TBC1D32: variants seen among roughly 807,000 people sequenced by gnomAD.
TBC1D32 encodes TBC1 domain family member 32.
In TBC1D32, 151 loss-of-function variants were observed where a neutral mutation model predicts 170.3. The observed-to-expected ratio is 0.89, with a 90% CI of 0.78 to 1.01. TBC1D32 has a LOEUF of 1.01. Among genes scored for constraint, TBC1D32 ranks in the 50% least tolerant of loss-of-function variants. TBC1D32 has a pLI of 0.00. For missense variants in TBC1D32, 1,464 were observed against 1,457.1 expected (o/e 1.00, Z -0.08); for synonymous variants, 498 against 488.0 (o/e 1.02, Z -0.27).
chr6:121,271,302 A>G (rs1388105965), intron 15 of TBC1D32, among the ~76,000 whole-genome samples: 1 of 152,192 alleles, frequency 6.6e-6, no homozygotes. Context: ...GTATTCAATT[A>G]GGAAAAGAGG....
chr6:121,303,802 T>C (rs1383811944), intron 8 of TBC1D32, 41 bp from the exon 9 acceptor site: 3 of 1,353,464 alleles, frequency 2.2e-6, no homozygotes, highest in African/African-American at 2.9e-5. Flanking sequence ...ACACATATAG[T>C]TCTGGTGGTA....
intron 22 of TBC1D32, among the ~76,000 whole-genome samples, chr6:121,177,214 G>C (rs541586518): frequency 6.6e-6 from 1 of 152,248 alleles, no homozygotes; most frequent in East Asian, 1.9e-4. Flanking sequence ...AAGTGACTGG[G>C]TCATACGGGT....
chr6:121,197,996 C>T (rs1463416313), intron 22 of TBC1D32, among the ~76,000 whole-genome samples: 1 of 151,816 alleles, frequency 6.6e-6, no homozygotes, highest in East Asian at 1.9e-4. Flanking sequence ...CAGCCTACAT[C>T]TTTCTCCTGC....
intron 4 of TBC1D32, among the ~76,000 whole-genome samples, chr6:121,309,223 C>A (rs892780669): frequency 4.6e-5 from 7 of 152,166 alleles, no homozygotes; most frequent in Admixed American, 3.3e-4. Context: ...GTAATTTTTC[C>A]ATTTCAGGAA....
At chr6:121,160,606 T>A (rs1183015941) in intron 23 of TBC1D32, among the ~76,000 whole-genome samples, 2 of 151,954 alleles carry the variant, frequency 1.3e-5, no homozygotes, top group Non-Finnish European at 2.9e-5. Context: ...AAATAAAAAA[T>A]AATGTCATTT....
intron 20 of TBC1D32, among the ~76,000 whole-genome samples, chr6:121,233,710 C>T (rs570500563): frequency 5.3e-5 from 8 of 152,076 alleles, no homozygotes; most frequent in Non-Finnish European, 1.0e-4. Context: ...TTACATTCAA[C>T]GATAGTATTG....
intron 15 of TBC1D32, among the ~76,000 whole-genome samples, chr6:121,260,521 G>GTTTTTTTAA (rs1381305888): frequency 9.5e-6 from 1 of 105,708 alleles, no homozygotes; most frequent in African/African-American, 3.6e-5. Context: ...GAAGAGCAGG[G>GTTTTTTTAA]TGGTATGGCA....
intron 31 of TBC1D32, among the ~76,000 whole-genome samples, chr6:121,087,993 C>G (rs183435882): frequency 6.6e-6 from 1 of 150,886 alleles, no homozygotes; most frequent in Non-Finnish European, 1.5e-5. Flanking sequence ...TTCTGTAGCC[C>G]AGGCTGGAGT....
chr6:121,150,502 T>C (rs1784073596), intron 24 of TBC1D32, among the ~76,000 whole-genome samples: 1 of 152,210 alleles, frequency 6.6e-6, no homozygotes. Flanking sequence ...GGTATCAGGA[T>C]GATGCTGGCC....
intron 11 of TBC1D32, 95 bp downstream of exon 11, chr6:121,294,468 ACCATACT>A: frequency 1.3e-6 from 1 of 758,574 alleles, no homozygotes; most frequent in Non-Finnish European, 2.1e-6. Context: ...GACCTAATTT[ACCATACT>A]AACAATCATT....
intron 22 of TBC1D32, among the ~76,000 whole-genome samples, chr6:121,169,887 A>T (rs1288672453): frequency 6.6e-6 from 1 of 152,156 alleles, no homozygotes; most frequent in Non-Finnish European, 1.5e-5. Flanking sequence ...TATTAATGAA[A>T]AAAATTATCA....
At chr6:121,099,563 C>T (rs1777778738) in intron 30 of TBC1D32, among the ~76,000 whole-genome samples, 1 of 151,884 alleles carries the variant, frequency 6.6e-6, no homozygotes, top group African/African-American at 2.4e-5. Flanking sequence ...AAATACACAA[C>T]TTCAAAAAGC....
At chr6:121,304,883 A>AT in intron 5 of TBC1D32, 50 bp from the exon 6 acceptor site, 1 of 1,209,646 alleles carries the variant, frequency 8.3e-7, no homozygotes, top group Non-Finnish European at 1.2e-6. Flanking sequence ...CAAGAATAGA[A>AT]TAGAGATGAA....
intron 24 of TBC1D32, among the ~76,000 whole-genome samples, chr6:121,134,102 T>C (rs1325788843): frequency 6.6e-6 from 1 of 152,128 alleles, no homozygotes; most frequent in African/African-American, 2.4e-5. Flanking sequence ...CCACATTACA[T>C]ATTGCCAAGA....
At chr6:121,145,999 T>G (rs1783386707) in intron 24 of TBC1D32, among the ~76,000 whole-genome samples, 2 of 152,116 alleles carry the variant, frequency 1.3e-5, no homozygotes, top group East Asian at 3.9e-4. Flanking sequence ...GAAAACAGTT[T>G]AAAGCCTTGA....
At chr6:121,233,119 G>A (rs1795942301) in intron 20 of TBC1D32, among the ~76,000 whole-genome samples, 1 of 152,032 alleles carries the variant, frequency 6.6e-6, no homozygotes, top group South Asian at 2.1e-4. Context: ...ACTTGTTTTT[G>A]TGGCCTCTCA....
chr6:121,231,459 A>G (rs1394797265), intron 20 of TBC1D32, among the ~76,000 whole-genome samples: 2 of 152,208 alleles, frequency 1.3e-5, no homozygotes, highest in Admixed American at 6.5e-5. Flanking sequence ...GCAGAATCAA[A>G]TAGTAGATCT....
chr6:121,176,645 C>A (rs1157490109), intron 22 of TBC1D32, among the ~76,000 whole-genome samples: 1 of 151,888 alleles, frequency 6.6e-6, no homozygotes, highest in Non-Finnish European at 1.5e-5. Context: ...GTCCCCCAGG[C>A]TGGAGTGCAG....
At chr6:121,278,733 T>G (rs1041677726) in intron 15 of TBC1D32, among the ~76,000 whole-genome samples, 2 of 152,134 alleles carry the variant, frequency 1.3e-5, no homozygotes, top group African/African-American at 4.8e-5. Flanking sequence ...TGACTGTTTA[T>G]ATGTAGGTTT....
Sources: allele counts gnomAD v4.1 joint callset (sites outside exome capture counted in the v4.1 genomes callset), GRCh38; gene constraint gnomAD v4.1.1; transcripts MANE v1.5; gene names NCBI Gene and HGNC (gene_info 2026-07-23, HGNC 2026-07-21).